EDARADD: variants seen among roughly 807,000 people sequenced by gnomAD.
EDARADD encodes ectodysplasin-A receptor-associated adapter protein.
EDARADD carries 20 observed loss-of-function variants against 25.6 expected under a neutral mutation model. That is an observed-to-expected ratio of 0.78 (90% CI 0.55 to 1.14). The LOEUF (loss-of-function observed/expected upper bound fraction) is 1.14, where lower values mean the gene tolerates loss of function less well. Ranked by LOEUF, EDARADD falls within the 50% of genes most tolerant of loss-of-function variation. The pLI, the probability that EDARADD is intolerant of heterozygous loss-of-function variation, is 0.00. For missense variants in EDARADD, 225 were observed against 270.1 expected (o/e 0.83, Z 1.17); for synonymous variants, 86 against 94.4 (o/e 0.91, Z 0.52).
chr1:236,449,723 T>C (rs1410634480), intron 4 of EDARADD, among the ~76,000 whole-genome samples: 1 of 152,250 alleles, frequency 6.6e-6, no homozygotes, highest in Non-Finnish European at 1.5e-5. Context: ...TGATAGGTAC[T>C]CGTTATTTGT....
At chr1:236,426,960 CA>C (rs1181957373) in intron 3 of EDARADD, among the ~76,000 whole-genome samples, 4 of 152,118 alleles carry the variant, frequency 2.6e-5, no homozygotes, top group African/African-American at 9.7e-5. Context: ...CAGCTCACTG[CA>C]AACTTTGTCT....
intron 3 of EDARADD, among the ~76,000 whole-genome samples, chr1:236,352,212 C>T (rs1170073680): frequency 1.3e-5 from 2 of 152,164 alleles, no homozygotes; most frequent in Non-Finnish European, 2.9e-5. Context: ...TGTATTATTT[C>T]CGTCTCAATG....
chr1:236,378,663 A>G (rs970760871), intron 3 of EDARADD, among the ~76,000 whole-genome samples: 6 of 152,122 alleles, frequency 3.9e-5, no homozygotes, highest in African/African-American at 1.4e-4. Flanking sequence ...AGTATTTGAG[A>G]GCAAAATAAC....
In EDARADD at chr1:236,395,647, C is replaced by A; in HGVS notation, c.61+1142C>A. ...CCGCCGCCATGGCTTCACCGGACGACCCTCTGCGCGCAGGTAAAGGGACAC... is the reference window on the plus strand; with the variant it reads ...CCGCCGCCATGGCTTCACCGGACGAACCTCTGCGCGCAGGTAAAGGGACAC... On this transcript the variant is annotated intron_variant, in intron 1 of 5. Coordinates refer to ENST00000334232, the MANE Select transcript of EDARADD (RefSeq NM_145861.4). The surrounding 1 kb of genome is among the most constrained non-coding windows in gnomAD (Gnocchi z 6.9). 1 of 1,576,358 alleles carries A rather than the reference C, an allele frequency of 6.3e-7. No homozygotes were observed. Among genetic ancestry groups the A allele is most frequent in the Non-Finnish European group, 8.6e-7 (1 of 1,163,668 alleles).
In EDARADD at chr1:236,483,640, C is replaced by T; in HGVS notation, c.*991C>T. On this transcript the variant is annotated 3_prime_UTR_variant, in exon 6 of 6. Transcript: ENST00000334232. Reference sequence around the variant, plus strand: ...AATGTCATCAATGGCAGTTCTCATGCTGTCACCAAGCTGGCCATGCAGGAG... The same window carrying T: ...AATGTCATCAATGGCAGTTCTCATGTTGTCACCAAGCTGGCCATGCAGGAG... 6.4e-7 allele frequency: 1 copy of T among 1,570,260 alleles called. No individual in the cohort carries two copies.
chr1:236,425,008 C>T (rs907481101), intron 3 of EDARADD, among the ~76,000 whole-genome samples: 2 of 152,264 alleles, frequency 1.3e-5, no homozygotes, highest in South Asian at 2.1e-4. Context: ...TGGGAGGTTA[C>T]GAGCAAAGTG....
rs1659785632 is a variant in EDARADD, at chr1:236,484,756, A to G, written c.*2107A>G. 3.7e-6 allele frequency: 1 copy of G among 267,298 alleles called. No homozygotes were observed. The allele number at this position is 267,298 out of a possible 1,614,324, so 16.6% of individuals were successfully genotyped here. ...CTTCTACAGAAGCCAAGCTCCCTGG[A>G]GCCCTGTTGGCAGCTCTAGCCTTGC... On this transcript the variant is annotated 3_prime_UTR_variant, in exon 6 of 6. Transcript: ENST00000334232. The surrounding 1 kb of genome is among the most constrained non-coding windows in gnomAD (Gnocchi z 4.1).
At chr1:236,479,745 CAAA>C (rs71928175) in intron 5 of EDARADD, among the ~76,000 whole-genome samples, 2 of 146,202 alleles carry the variant, frequency 1.4e-5, no homozygotes, top group Non-Finnish European at 3.0e-5. Context: ...AAAGTTTAAT[CAAA>C]AAAAAAAAGA....
chr1:236,479,322 C>A (rs1659601158), intron 5 of EDARADD, among the ~76,000 whole-genome samples: 1 of 151,768 alleles, frequency 6.6e-6, no homozygotes, highest in African/African-American at 2.4e-5. Flanking sequence ...ATAGTGGGAC[C>A]CTGTCTCAAA....
At chr1:236,419,507 T>C (rs1174371929) in intron 3 of EDARADD, among the ~76,000 whole-genome samples, 1 of 152,182 alleles carries the variant, frequency 6.6e-6, no homozygotes, top group Non-Finnish European at 1.5e-5. Flanking sequence ...ATGACTGTGA[T>C]TGAAGTCACA....
At position 236,457,342 on chromosome 1, in the gene EDARADD, A is replaced by G. The variant is rs550645703; in HGVS notation, c.220-10889A>G. On this transcript the variant is annotated intron_variant, in intron 4 of 5. Coordinates refer to ENST00000334232, the MANE Select transcript of EDARADD (RefSeq NM_145861.4). ...ACCAGCCTGGGCAACAGGGTGAAACAACATCTCTACAAAAATACAAAAAAT... is the reference window on the plus strand; with the variant it reads ...ACCAGCCTGGGCAACAGGGTGAAACGACATCTCTACAAAAATACAAAAAAT... 4.0e-5 allele frequency among the ~76,000 whole-genome samples: 6 copies of G among 151,674 alleles called. No homozygotes were observed. The South Asian group carries it at 1.0e-3, about 26-fold the overall frequency.
At chr1:236,349,547 G>T (rs540441408) in intron 2 of EDARADD, among the ~76,000 whole-genome samples, 1 of 151,450 alleles carries the variant, frequency 6.6e-6, no homozygotes, top group African/African-American at 2.4e-5. Context: ...GGTGGCGGGG[G>T]TGGGGGTGCT....
At chr1:236,388,656 CT>C (rs1190494285) in intron 3 of EDARADD, among the ~76,000 whole-genome samples, 9 of 152,064 alleles carry the variant, frequency 5.9e-5, no homozygotes, top group African/African-American at 2.2e-4. Context: ...TAAATGGGAC[CT>C]TCCCCCCGCA....
chr1:236,394,338 TC>T lies in EDARADD; in HGVS notation c.-106del. The stretch of plus-strand genomic sequence containing the variant: ...CTACAAATTCCCCAGAGAGCTTTCA[TC>T]TAGAAGGTTTGACTCTGGCCAGACA... On this transcript the variant is annotated 5_prime_UTR_variant, in exon 1 of 6. Coordinates refer to ENST00000334232, the MANE Select transcript of EDARADD (RefSeq NM_145861.4). 1 of 1,232,544 alleles carries T rather than the reference TC, an allele frequency of 8.1e-7. No homozygotes were observed. Among genetic ancestry groups the T allele is most frequent in the Non-Finnish European group, 1.2e-6 (1 of 837,978 alleles). 76.4% of individuals were successfully genotyped at this position (1,232,544 alleles called of 1,614,324 possible).
chr1:236,479,883 C>CA (rs1220984732), intron 5 of EDARADD, among the ~76,000 whole-genome samples: 31 of 147,200 alleles, frequency 2.1e-4, no homozygotes, highest in Non-Finnish European at 4.3e-4. Flanking sequence ...TCCATCTCCA[C>CA]AAAAAAATTT....
rs373028114 is a variant in EDARADD, at chr1:236,482,568, C to T, written c.567C>T (p.Ala189=). Residue 189 remains alanine, a synonymous_variant, in exon 6 of 6, where the codon GCC becomes GCT. Coordinates refer to ENST00000334232, the MANE Select transcript of EDARADD (RefSeq NM_145861.4). ...LMELCRLYHR[A]DVEKVLRRWV... ...AGCTCTGCAGGCTCTACCACAGGGCCGACGTGGAGAAGGTTCTGCGCAGGT... is the reference window on the plus strand; with the variant it reads ...AGCTCTGCAGGCTCTACCACAGGGCTGACGTGGAGAAGGTTCTGCGCAGGT... 39 of 1,613,428 alleles carry T rather than the reference C, an allele frequency of 2.4e-5. No individual in the cohort carries two copies. Among genetic ancestry groups the T allele is most frequent in the South Asian group, 1.6e-4 (15 of 91,058 alleles).
chr1:236,392,012 T>C (rs1667432312), upstream of EDARADD, among the ~76,000 whole-genome samples: 1 of 152,232 alleles, frequency 6.6e-6, no homozygotes, highest in South Asian at 2.1e-4. Context: ...TCTCCAGTAC[T>C]ATAGCAAAAC....
intron 4 of EDARADD, among the ~76,000 whole-genome samples, chr1:236,459,035 T>C (rs1658962831): frequency 6.6e-6 from 1 of 152,190 alleles, no homozygotes; most frequent in African/African-American, 2.4e-5. Flanking sequence ...ATATGACAGA[T>C]GAAGCCAAAT....
intron 4 of EDARADD, among the ~76,000 whole-genome samples, chr1:236,459,611 C>CTTTTT (rs397860471): frequency 2.0e-5 from 2 of 100,486 alleles, no homozygotes; most frequent in Non-Finnish European, 4.1e-5. Flanking sequence ...TTATTTAGCT[C>CTTTTT]TTTTTTTTTT....
Sources: allele counts gnomAD v4.1 joint callset (sites outside exome capture counted in the v4.1 genomes callset), GRCh38; gene constraint gnomAD v4.1.1; non-coding constraint Gnocchi (gnomAD v3.1); transcripts MANE v1.5; gene names NCBI Gene and HGNC (gene_info 2026-07-23, HGNC 2026-07-21).